Variants in FLI1 observed in about 807,000 individuals in gnomAD.
FLI1 encodes Fli-1 proto-oncogene, ETS transcription factor, also known as Friend leukemia integration 1 transcription factor.
Under a neutral mutation model 53.1 loss-of-function variants are expected in FLI1, and 13 were observed. The observed-to-expected ratio is 0.24, with a 90% CI of 0.16 to 0.39. The LOEUF (loss-of-function observed/expected upper bound fraction) is 0.39, where lower values mean the gene tolerates loss of function less well. FLI1 is among the 10% of genes least tolerant of loss of function. The probability of loss-of-function intolerance (pLI) is 1.00; values close to 1 mark genes in which losing one functional copy is unlikely to be tolerated. For missense variants in FLI1, 424 were observed against 600.5 expected (o/e 0.71, Z 3.07); for synonymous variants, 244 against 236.7 (o/e 1.03, Z -0.28).
In FLI1 at chr11:128,772,911, A is replaced by C; in HGVS notation, c.515A>C (p.Lys172Thr). ...GGCAAGGAACTGTGTAAAATGAACA[A>C]GGAGGACTTCCTCCGCGCCACCACC... ...MDGKELCKMNKEDFLRATTLY... is the reference protein window; with the variant it reads ...MDGKELCKMNTEDFLRATTLY... The change falls in exon 4 of 9, where the codon AAG becomes ACG. Residue 172 changes from lysine (K) to threonine (T), a missense_variant. By Grantham distance (78) the Lys-to-Thr change is moderately conservative. Transcript: ENST00000527786. 2 of 1,614,060 alleles carry C rather than the reference A, an allele frequency of 1.2e-6. No individual in the cohort carries two copies. Among genetic ancestry groups the C allele is most frequent in the Non-Finnish European group, 1.7e-6 (2 of 1,179,894 alleles).
At chr11:128,774,691 A>ATG (rs1941680507) in intron 4 of FLI1, among the ~76,000 whole-genome samples, 2 of 152,048 alleles carry the variant, frequency 1.3e-5, no homozygotes, top group African/African-American at 4.8e-5. Flanking sequence ...GTGCTTCGAG[A>ATG]CTCTTCGGCG....
chr11:128,723,223 C>T (rs1465757592), intron 1 of FLI1, among the ~76,000 whole-genome samples: 1 of 152,148 alleles, frequency 6.6e-6, no homozygotes, highest in African/African-American at 2.4e-5. Flanking sequence ...TCCATAACAA[C>T]ATGACAGCTG....
At chr11:128,801,698 TATC>T (rs1942642451) in intron 5 of FLI1, among the ~76,000 whole-genome samples, 2 of 152,208 alleles carry the variant, frequency 1.3e-5, no homozygotes, top group Admixed American at 1.3e-4. Context: ...CAGCTAGTGA[TATC>T]ATGAACAATA....
At chr11:128,803,049 T>A (rs1942677790) in intron 5 of FLI1, among the ~76,000 whole-genome samples, 1 of 152,172 alleles carries the variant, frequency 6.6e-6, no homozygotes, top group Non-Finnish European at 1.5e-5. Context: ...CAGAAAAAAA[T>A]GTTTAGAAAA....
intron 2 of FLI1, among the ~76,000 whole-genome samples, chr11:128,762,442 C>T (rs773078364): frequency 3.9e-5 from 6 of 152,130 alleles, no homozygotes; most frequent in Non-Finnish European, 4.4e-5. Flanking sequence ...ACTTGAAATA[C>T]GGTTAGTTGA....
Position 128,811,555 on chromosome 11 carries a change from C to T in FLI1, c.*567C>T, listed in dbSNP as rs561369755. On this transcript the variant is annotated 3_prime_UTR_variant, in exon 9 of 9. Transcript: ENST00000527786. The stretch of plus-strand genomic sequence containing the variant: ...AAGAAGGTTTGTGTGTTTAAGACGC[C>T]AAGGGCATTGCAGAATCCCTCTCAG... The T allele has an allele frequency of 8.8e-6, 2 of 227,174 alleles. No homozygotes were observed. The highest frequency in any genetic ancestry group is 1.3e-4 in the East Asian group (2 of 15,144). 14.1% of individuals were successfully genotyped at this position (227,174 alleles called of 1,614,324 possible). A position where few individuals can be genotyped will look rare whatever the true frequency, so the allele number is the denominator to read the frequency against.
intron 1 of FLI1, among the ~76,000 whole-genome samples, chr11:128,737,188 G>C (rs77413856): frequency 0.039 from 6,007 of 152,232 alleles, 288 homozygotes; most frequent in East Asian, 0.26. Context: ...CTCAGTGGGA[G>C]CAGGACACAG....
chr11:128,721,104 C>T (rs1460835617), intron 1 of FLI1, among the ~76,000 whole-genome samples: 1 of 152,192 alleles, frequency 6.6e-6, no homozygotes, highest in East Asian at 1.9e-4. Flanking sequence ...CTGGCAAGTT[C>T]GTGAGAGAGA....
intron 1 of FLI1, among the ~76,000 whole-genome samples, chr11:128,701,536 ATCAACT>A (rs1565455937): frequency 6.6e-6 from 1 of 152,176 alleles, no homozygotes; most frequent in Non-Finnish European, 1.5e-5. Flanking sequence ...GATAATTCAG[ATCAACT>A]TTACAGTACC....
At chr11:128,791,515 G>A (rs539194495) in intron 5 of FLI1, among the ~76,000 whole-genome samples, 2 of 152,314 alleles carry the variant, frequency 1.3e-5, no homozygotes, top group Non-Finnish European at 2.9e-5. Flanking sequence ...GCAGTCTTCT[G>A]TCTTGTGAGA....
chr11:128,790,392 C>A (rs2135884261), intron 5 of FLI1, among the ~76,000 whole-genome samples: 1 of 152,084 alleles, frequency 6.6e-6, no homozygotes, highest in East Asian at 1.9e-4. Context: ...CTCGTTGTCT[C>A]TAAGCTGGAG....
intron 1 of FLI1, among the ~76,000 whole-genome samples, chr11:128,740,774 G>T (rs761493519): frequency 5.1e-4 from 78 of 152,286 alleles, no homozygotes; most frequent in Non-Finnish European, 4.3e-4. Flanking sequence ...CCTTCAGAGG[G>T]GTACACCCCT....
chr11:128,693,769 C>T (rs1420719282), upstream of FLI1: 2 of 233,518 alleles, frequency 8.6e-6, no homozygotes, highest in Non-Finnish European at 8.4e-6. Flanking sequence ...TCTTATCTCC[C>T]AGGAGCAAGT....
chr11:128,808,507 G>A (rs1189373705), intron 7 of FLI1, among the ~76,000 whole-genome samples: 1 of 152,160 alleles, frequency 6.6e-6, no homozygotes, highest in Non-Finnish European at 1.5e-5. Context: ...TAGCTAAAAT[G>A]TACACTCTGG....
Position 128,720,621 on chromosome 11 carries a change from A to T in FLI1, c.18+26345A>T, listed in dbSNP as rs528150309. Among the ~76,000 whole-genome samples the T allele has an allele frequency of 7.9e-5, 12 of 152,298 alleles. No homozygotes were observed. In the East Asian group the frequency reaches 1.9e-3, roughly 24 times the overall value. ...CAGGGCCCGATCTGATAGCACAAAG[A>T]CACCCACAACTCTGAATTTCCTGCT... On this transcript the variant is annotated intron_variant, in intron 1 of 8. Transcript: ENST00000527786.
At chr11:128,755,922 A>G (rs1591784489) in intron 1 of FLI1, among the ~76,000 whole-genome samples, 1 of 152,222 alleles carries the variant, frequency 6.6e-6, no homozygotes, top group African/African-American at 2.4e-5. Flanking sequence ...CAGCCATAGA[A>G]GAGCCTCCCT....
At chr11:128,760,784 C>T (rs1941085121) in intron 2 of FLI1, among the ~76,000 whole-genome samples, 1 of 152,096 alleles carries the variant, frequency 6.6e-6, no homozygotes, top group Non-Finnish European at 1.5e-5. Flanking sequence ...CCTCGGCCTC[C>T]CAAAGTGCTG....
intron 5 of FLI1, among the ~76,000 whole-genome samples, chr11:128,786,096 A>G (rs1365274237): frequency 6.6e-6 from 1 of 152,240 alleles, no homozygotes; most frequent in African/African-American, 2.4e-5. Flanking sequence ...CAGAACCTCC[A>G]AGGGTGACTC....
At chr11:128,713,461 C>T (rs965204129) in intron 1 of FLI1, among the ~76,000 whole-genome samples, 6 of 152,072 alleles carry the variant, frequency 3.9e-5, no homozygotes, top group Non-Finnish European at 7.4e-5. Context: ...GTTACTTGCT[C>T]CTTGAGGGCA....
Sources: allele counts gnomAD v4.1 joint callset (sites outside exome capture counted in the v4.1 genomes callset), GRCh38; gene constraint gnomAD v4.1.1; transcripts MANE v1.5; gene names NCBI Gene and HGNC (gene_info 2026-07-23, HGNC 2026-07-21).